The following PARP14 variants were observed in gnomAD, a reference collection of about 807,000 sequenced individuals.
The protein encoded by PARP14 is protein mono-ADP-ribosyltransferase PARP14.
Under a neutral mutation model 154.2 loss-of-function variants are expected in PARP14, and 59 were observed. That is an observed-to-expected ratio of 0.38 (90% confidence interval 0.31 to 0.48). The LOEUF (loss-of-function observed/expected upper bound fraction) is 0.48. PARP14 is among the 20% of genes least tolerant of loss of function. The probability of loss-of-function intolerance (pLI) is 0.98; values close to 1 mark genes in which losing one functional copy is unlikely to be tolerated. For synonymous variants in PARP14, 720 were observed against 780.5 expected (o/e 0.92, Z 1.29); for missense variants, 1,734 against 2,131.6 (o/e 0.81, Z 3.67).
At chr3:122,724,608 T>C (rs1241778404) in intron 15 of PARP14, among the ~76,000 whole-genome samples, 3 of 151,770 alleles carry the variant, frequency 2.0e-5, no homozygotes, top group African/African-American at 7.3e-5. Flanking sequence ...CCCAGCCATA[T>C]TCATGTTTTC....
chr3:122,723,671 A>G (rs1933214497), intron 15 of PARP14, among the ~76,000 whole-genome samples: 2 of 152,240 alleles, frequency 1.3e-5, no homozygotes, highest in African/African-American at 4.8e-5. Context: ...AGGCCATCCC[A>G]CTATTAATGA....
Position 122,714,411 on chromosome 3 carries a change from C to CT in PARP14, c.3983dup (p.Ala1330SerfsTer13). 6.3e-7 allele frequency: 1 copy of CT among 1,580,010 alleles called. No homozygotes were observed. Among genetic ancestry groups the CT allele is most frequent in the South Asian group, 1.2e-5 (1 of 85,142 alleles). ...AAAAAAAAATTACTCATCCATTTGC[C>CT]TCCCAGCCATTGGGACAGGTTCGTA... On this transcript the variant is annotated frameshift_variant, in exon 12 of 17. Coordinates refer to ENST00000474629, the MANE Select transcript of PARP14 (RefSeq NM_017554.3). LOFTEE classifies it high-confidence loss of function.
rs780220909 is a variant in PARP14 at position 122,704,640 on chromosome 3, C to T, written c.3432C>T (p.Phe1144=). The change falls in exon 8 of 17, where the codon TTC becomes TTT. Residue 1144 remains phenylalanine, a synonymous_variant. Transcript: ENST00000474629. ...ACTTGGGATTTCCTAAAAACATATT[C>T]GCTGAATTAATCATTTCAGAGGTGT... ...TGNLGFPKNI[F]AELIISEVFK... is the part of the protein sequence containing the mutation. 18 of 1,604,616 alleles carry T rather than the reference C, an allele frequency of 1.1e-5. No individual in the cohort carries two copies. Among genetic ancestry groups the T allele is most frequent in the South Asian group, 3.4e-5 (3 of 89,538 alleles).
intron 4 of PARP14, 140 bp from the exon 5 acceptor site, chr3:122,695,286 G>A: frequency 3.4e-6 from 2 of 588,656 alleles, no homozygotes; most frequent in Non-Finnish European, 6.0e-6. Context: ...TTCTCATGTA[G>A]GTATTAAAAT....
chr3:122,713,434 GAC>G lies in PARP14; in HGVS notation c.3631_3632del (p.Thr1211CysfsTer3). 6.2e-7 allele frequency: 1 copy of G among 1,609,790 alleles called. No individual in the cohort carries two copies. The highest frequency in any genetic ancestry group is 8.5e-7 in the Non-Finnish European group (1 of 1,177,738). On this transcript the variant is annotated frameshift_variant, in exon 10 of 17. Coordinates refer to ENST00000474629, the MANE Select transcript of PARP14 (RefSeq NM_017554.3). LOFTEE classifies it high-confidence loss of function. ...TTCTTTTCTTTTCAGGTTTTTATGG[GAC>G]TGTTTCTAGCCCTGATTCAGGTGTG... Reference protein sequence around the residue: ...KAKDTQGFYGTVSSPDSGVYE... With the variant: ...KAKDTQGFYGXVSSPDSGVYE...
Position 122,700,495 on chromosome 3 carries a change from T to A in PARP14, c.1941T>A (p.Ile647=). The A allele has an allele frequency of 3.7e-6, 6 of 1,611,028 alleles. No homozygotes were observed. Among genetic ancestry groups the A allele is most frequent in the Non-Finnish European group, 5.1e-6 (6 of 1,178,306 alleles). ...CAGAAACCACAGCTGAAGTCATCAT[T>A]ACAGGCTGTGTAAAAGAAGTAAATG... ...LTSETTAEVI[I]TGCVKEVNET... is the part of the protein sequence containing the mutation. The change falls in exon 6 of 17, where the codon ATT becomes ATA. Residue 647 remains isoleucine, a synonymous_variant. Transcript: ENST00000474629.
intron 2 of PARP14, among the ~76,000 whole-genome samples, 173 bp downstream of exon 2, chr3:122,685,491 G>C (rs1277980067): frequency 6.6e-6 from 1 of 151,136 alleles, no homozygotes; most frequent in African/African-American, 2.4e-5. Context: ...GGTAGTATGG[G>C]ATAAAGTAGG....
intron 9 of PARP14, among the ~76,000 whole-genome samples, chr3:122,710,772 T>C (rs2107649447): frequency 6.6e-6 from 1 of 151,580 alleles, no homozygotes; most frequent in South Asian, 2.1e-4. Flanking sequence ...ACCTCCTTGG[T>C]TAAGTATATT....
In PARP14 at chr3:122,701,109, T is replaced by C. The variant is rs772219723; in HGVS notation, c.2555T>C (p.Ile852Thr). 23 of 1,613,734 alleles carry C rather than the reference T, an allele frequency of 1.4e-5. No individual in the cohort carries two copies. Among genetic ancestry groups the C allele is most frequent in the African/African-American group, 2.7e-5 (2 of 74,882 alleles). ...GPELQADCDQ[I>T]VKREGRLLPG... is the part of the protein sequence containing the mutation. ...GAGCTCCAGGCCGACTGTGACCAGATAGTGAAGAGAGAGGGCAGACTCCTA... is the reference window on the plus strand; with the variant it reads ...GAGCTCCAGGCCGACTGTGACCAGACAGTGAAGAGAGAGGGCAGACTCCTA... The change falls in exon 6 of 17, where the codon ATA (isoleucine) becomes ACA (threonine). Residue 852 changes from isoleucine to threonine, a missense_variant. Ile to Thr is a moderately conservative substitution (Grantham distance 89). Coordinates refer to ENST00000474629, the MANE Select transcript of PARP14 (RefSeq NM_017554.3). The surrounding 1 kb of genome is among the most constrained non-coding windows in gnomAD (Gnocchi z 4.0).
At chr3:122,686,053 G>A (rs892122469) in intron 2 of PARP14, among the ~76,000 whole-genome samples, 2 of 152,182 alleles carry the variant, frequency 1.3e-5, no homozygotes, top group Non-Finnish European at 2.9e-5. Flanking sequence ...ACAGATTGCA[G>A]GATTATTGTG....
chr3:122,727,755 T>C (rs1390467396), intron 15 of PARP14, 57 bp from the exon 16 acceptor site: 3 of 1,025,828 alleles, frequency 2.9e-6, no homozygotes, highest in Non-Finnish European at 2.8e-6. Context: ...TTTCATTTGC[T>C]GTATATTGGC....
At chr3:122,685,751 G>C (rs939888362) in intron 2 of PARP14, among the ~76,000 whole-genome samples, 1 of 151,870 alleles carries the variant, frequency 6.6e-6, no homozygotes, top group African/African-American at 2.4e-5. Context: ...CTCATGATCG[G>C]CCCACCTAGG....
Position 122,700,527 on chromosome 3 carries a change from A to C in PARP14, c.1973A>C (p.Tyr658Ser), listed in dbSNP as rs942512679. The C allele has an allele frequency of 6.2e-6, 10 of 1,602,494 alleles. No individual in the cohort carries two copies. In the Middle Eastern group the frequency reaches 4.9e-4, roughly 79 times the overall value. The change falls in exon 6 of 17, where the codon TAT becomes TCT. Residue 658 changes from tyrosine (Y) to serine (S), a missense_variant. Tyr to Ser is a moderately radical substitution (Grantham distance 144). Coordinates refer to ENST00000474629, the MANE Select transcript of PARP14 (RefSeq NM_017554.3). ...TGTGTAAAAGAAGTAAATGAAACCTATAAATTGCTTTTTAACTTCGTTGAA... is the reference window on the plus strand; with the variant it reads ...TGTGTAAAAGAAGTAAATGAAACCTCTAAATTGCTTTTTAACTTCGTTGAA... ...TGCVKEVNET[Y>S]KLLFNFVEQN...
At chr3:122,688,124 A>G (rs1025731535) in intron 3 of PARP14, among the ~76,000 whole-genome samples, 8 of 151,292 alleles carry the variant, frequency 5.3e-5, no homozygotes, top group East Asian at 1.9e-4. Context: ...CCTGCTTTCC[A>G]TTCCTCACTT....
intron 6 of PARP14, 28 bp from the exon 7 acceptor site, chr3:122,703,714 G>C (rs1230870452): frequency 7.0e-7 from 1 of 1,421,906 alleles, no homozygotes; most frequent in East Asian, 2.3e-5. Context: ...GTTAAAATTT[G>C]AAACAAATTT....
At chr3:122,702,966 G>C (rs578166065) in intron 6 of PARP14, among the ~76,000 whole-genome samples, 1 of 143,150 alleles carries the variant, frequency 7.0e-6, no homozygotes, top group Admixed American at 7.2e-5. Flanking sequence ...CCTCCAGCCT[G>C]GGTGGACAGA....
chr3:122,681,959 G>A lies in PARP14; in HGVS notation c.187+889G>A, dbSNP rs1414206702. Among the ~76,000 whole-genome samples, 1 of 152,136 alleles carries A rather than the reference G, an allele frequency of 6.6e-6. No homozygotes were observed. Among genetic ancestry groups the A allele is most frequent in the Non-Finnish European group, 1.5e-5 (1 of 68,020 alleles). On this transcript the variant is annotated intron_variant, in intron 1 of 16. Transcript: ENST00000474629. This position sits in a 1 kb window ranked among gnomAD's most constrained non-coding sequence, Gnocchi z 5.5. ...AGTCAACCCCTAATTCCGCTTTCAT[G>A]TCGCTAGATTTGGAGAAGCATTCGG...
At position 122,701,545 on chromosome 3, in the gene PARP14, G is replaced by A. The variant is rs1454684672; in HGVS notation, c.2991G>A (p.Gly997=). The part of the protein sequence containing the change: ...APPGLPPAAA[G]PGKTSWEKGS... ...CAGGTTTACCACCAGCAGCAGCGGGGCCTGGGAAAACATCATGGGAAAAAG... is the reference window on the plus strand; with the variant it reads ...CAGGTTTACCACCAGCAGCAGCGGGACCTGGGAAAACATCATGGGAAAAAG... The change falls in exon 6 of 17, where the codon GGG becomes GGA. Residue 997 remains glycine, a synonymous_variant. Coordinates refer to ENST00000474629, the MANE Select transcript of PARP14 (RefSeq NM_017554.3). The surrounding 1 kb of genome is among the most constrained non-coding windows in gnomAD (Gnocchi z 4.0). 10 of 1,611,186 alleles carry A rather than the reference G, an allele frequency of 6.2e-6. No individual in the cohort carries two copies. Among genetic ancestry groups the A allele is most frequent in the African/African-American group, 1.3e-5 (1 of 74,884 alleles).
At chr3:122,719,976 G>A (rs566115312) in intron 14 of PARP14, among the ~76,000 whole-genome samples, 89 of 152,202 alleles carry the variant, frequency 5.8e-4, no homozygotes, top group Non-Finnish European at 4.3e-4. Flanking sequence ...TTCTCAAATC[G>A]TAGTATGATC....
Sources: allele counts gnomAD v4.1 joint callset (sites outside exome capture counted in the v4.1 genomes callset), GRCh38; gene constraint gnomAD v4.1.1; non-coding constraint Gnocchi (gnomAD v3.1); transcripts MANE v1.5; gene names NCBI Gene and HGNC (gene_info 2026-07-23, HGNC 2026-07-21).